Variants in NTRK2 observed in about 807,000 individuals in gnomAD.
NTRK2 encodes the protein BDNF/NT-3 growth factors receptor.
NTRK2 carries 13 observed loss-of-function variants against 94.5 expected under a neutral mutation model. The ratio of observed to expected loss-of-function variants is 0.14; its 90% CI spans 0.09 to 0.22. The LOEUF is 0.22. Among genes scored for constraint, NTRK2 ranks in the 10% least tolerant of loss-of-function variants. The pLI is 1.00. For missense variants in NTRK2, 639 were observed against 1,071.2 expected (o/e 0.60, Z 5.63); for synonymous variants, 372 against 407.4 (o/e 0.91, Z 1.05).
At chr9:84,917,789 C>A (rs545312735) in intron 14 of NTRK2, among the ~76,000 whole-genome samples, 45 of 152,232 alleles carry the variant, frequency 3.0e-4, no homozygotes, top group African/African-American at 9.1e-4. Context: ...TTGTTCACTC[C>A]TCTGCTCAAT....
chr9:84,789,910 G>T (rs2068550015), intron 12 of NTRK2, among the ~76,000 whole-genome samples: 2 of 152,152 alleles, frequency 1.3e-5, no homozygotes, highest in Admixed American at 1.3e-4. Context: ...GGATGTAGGG[G>T]ATATGACATT....
At position 84,729,434 on chromosome 9, in the gene NTRK2, T is replaced by C. The variant is rs150724644; in HGVS notation, c.1159+1475T>C. Among the ~76,000 whole-genome samples the C allele has an allele frequency of 4.1e-3, 619 of 152,342 alleles. 10 individuals carry two copies. The highest frequency in any genetic ancestry group is 0.014 in the African/African-American group (593 of 41,576). On this transcript the variant is annotated intron_variant, in intron 9 of 18. Transcript: ENST00000277120. Reference sequence around the variant, plus strand: ...ATGGTTGCTGCAGTAAATCCCTAGCTTGCAGTGTGCAGGAAGTCATGTTTG... The same window carrying C: ...ATGGTTGCTGCAGTAAATCCCTAGCCTGCAGTGTGCAGGAAGTCATGTTTG...
chr9:84,867,841 G>A (rs550190414), intron 14 of NTRK2, among the ~76,000 whole-genome samples: 1 of 152,304 alleles, frequency 6.6e-6, no homozygotes, highest in Admixed American at 6.5e-5. Context: ...TGCACTCTAG[G>A]TAGTTGGGAA....
At chr9:84,702,799 C>T (rs1447018430) in intron 4 of NTRK2, among the ~76,000 whole-genome samples, 1 of 152,184 alleles carries the variant, frequency 6.6e-6, no homozygotes, top group Non-Finnish European at 1.5e-5. Context: ...TTGGCCTTGG[C>T]CTTTATAGGG....
chr9:84,762,033 T>A (rs954697870), intron 12 of NTRK2, among the ~76,000 whole-genome samples: 1 of 152,128 alleles, frequency 6.6e-6, no homozygotes, highest in Non-Finnish European at 1.5e-5. Flanking sequence ...GTTTTTTTTT[T>A]ATAAAGAGCA....
At chr9:84,888,575 T>G (rs901569475) in intron 14 of NTRK2, among the ~76,000 whole-genome samples, 5 of 118,722 alleles carry the variant, frequency 4.2e-5, no homozygotes, top group African/African-American at 1.7e-4. Flanking sequence ...ATAGCGCCAC[T>G]GCACTCCAGC....
Position 84,938,568 on chromosome 9 carries a change from T to G in NTRK2, c.1764+4276T>G, listed in dbSNP as rs549056019. Among the ~76,000 whole-genome samples the G allele has an allele frequency of 1.3e-4, 20 of 152,338 alleles. No individual in the cohort carries two copies. In the East Asian group the frequency reaches 3.5e-3, roughly 26 times the overall value. On this transcript the variant is annotated intron_variant, in intron 15 of 18. Transcript: ENST00000277120. ...TTATATATATATATTTCTGGGCTTA[T>G]TTAATGAATGGCATTGAATGTCTGT...
At chr9:84,910,163 C>T (rs1052988775) in intron 14 of NTRK2, among the ~76,000 whole-genome samples, 2 of 152,128 alleles carry the variant, frequency 1.3e-5, no homozygotes, top group African/African-American at 4.8e-5. Context: ...TGTCCAATTG[C>T]TCTGTCACCA....
At chr9:85,008,555 T>C (rs1162975915) in intron 17 of NTRK2, among the ~76,000 whole-genome samples, 2 of 152,194 alleles carry the variant, frequency 1.3e-5, no homozygotes, top group African/African-American at 2.4e-5. Context: ...AGTCACACTT[T>C]ATGTCAACTA....
At chr9:84,936,661 T>TA (rs1313999160) in intron 15 of NTRK2, among the ~76,000 whole-genome samples, 1 of 151,884 alleles carries the variant, frequency 6.6e-6, no homozygotes, top group Non-Finnish European at 1.5e-5. Flanking sequence ...CAACACTGCT[T>TA]AAAAAAAAGG....
chr9:84,787,523 G>A (rs928953267), intron 12 of NTRK2, among the ~76,000 whole-genome samples: 13 of 152,096 alleles, frequency 8.5e-5, no homozygotes, highest in South Asian at 2.1e-4. Flanking sequence ...AGGTCATGGC[G>A]AAATGCTGCT....
At position 84,741,898 on chromosome 9, in the gene NTRK2, A is replaced by G. The variant is rs199505477; in HGVS notation, c.1166A>G (p.Asn389Ser). The stretch of plus-strand genomic sequence containing the variant: ...GCTCTGTTTTGCCTTTTAGGTGCAA[A>G]CCCAAATTATCCTGATGTAATTTAT... The part of the protein sequence containing the change: ...MGWPGIDDGA[N>S]PNYPDVIYED... Residue 389 changes from asparagine to serine, a missense_variant, in exon 10 of 19, where the codon AAC (asparagine) becomes AGC (serine). Physicochemically the swap from Asn to Ser is conservative, Grantham distance 46. Transcript: ENST00000277120. 11 of 1,613,046 alleles carry G rather than the reference A, an allele frequency of 6.8e-6. No individual in the cohort carries two copies. Among genetic ancestry groups the G allele is most frequent in the African/African-American group, 1.3e-5 (1 of 74,904 alleles).
chr9:85,008,438 G>T (rs916267988), intron 17 of NTRK2, among the ~76,000 whole-genome samples: 1 of 152,056 alleles, frequency 6.6e-6, no homozygotes, highest in African/African-American at 2.4e-5. Flanking sequence ...TGCCACAATG[G>T]GGCATGACTG....
rs118181102 is a variant in NTRK2, at chr9:84,687,576, G to C, written c.213-14583G>C. On this transcript the variant is annotated intron_variant, in intron 2 of 18. Coordinates refer to ENST00000277120, the MANE Select transcript of NTRK2 (RefSeq NM_006180.6). ...ATCCATGTGGTCATTACCATCCTTT[G>C]ATTGCATTTTGTATCTATACACATA... Among the ~76,000 whole-genome samples, 1,184 of 152,264 alleles carry C rather than the reference G, an allele frequency of 7.8e-3. 7 individuals carry two copies. The highest frequency in any genetic ancestry group is 0.027 in the Middle Eastern group (8 of 294).
At chr9:84,983,865 C>T (rs1323005840) in intron 17 of NTRK2, among the ~76,000 whole-genome samples, 1 of 152,132 alleles carries the variant, frequency 6.6e-6, no homozygotes, top group African/African-American at 2.4e-5. Context: ...CAGATTTGAA[C>T]TCTAGGGTCA....
chr9:84,679,188 T>C (rs2059244346), intron 2 of NTRK2, among the ~76,000 whole-genome samples: 1 of 152,210 alleles, frequency 6.6e-6, no homozygotes, highest in Admixed American at 6.5e-5. Context: ...TTACCCAGTC[T>C]AAGATATTTT....
intron 17 of NTRK2, among the ~76,000 whole-genome samples, chr9:84,956,215 T>C (rs148023102): frequency 3.3e-5 from 5 of 152,348 alleles, no homozygotes; most frequent in African/African-American, 1.2e-4. Flanking sequence ...GCCATCTTGG[T>C]TGAAAGCGGT....
chr9:84,821,953 A>G (rs1330351702), intron 12 of NTRK2, among the ~76,000 whole-genome samples: 1 of 152,090 alleles, frequency 6.6e-6, no homozygotes, highest in Admixed American at 6.6e-5. Flanking sequence ...TCTGCCTTTC[A>G]ACAAAATGAA....
intron 14 of NTRK2, among the ~76,000 whole-genome samples, chr9:84,890,975 A>C (rs2076577569): frequency 6.6e-6 from 1 of 152,212 alleles, no homozygotes; most frequent in Non-Finnish European, 1.5e-5. Flanking sequence ...TTGTGATCTA[A>C]TTCTGTGTGA....
Sources: gnomAD v4.1 joint callset for allele counts (sites outside exome capture counted in the v4.1 genomes callset) on GRCh38, gnomAD v4.1.1 for gene constraint, MANE v1.5 for transcripts, NCBI Gene and HGNC (gene_info 2026-07-23, HGNC 2026-07-21) for gene names.